The following LOC728743 variants were observed in gnomAD, a reference collection of about 807,000 sequenced individuals.
the LOC728743 span, chr7:150,401,073 T>C: frequency 0.84 from 127,548 of 152,260 alleles, 53,834 homozygotes; most frequent in Non-Finnish European, 0.9. Context: ...ATCCTGCAAA[T>C]GCAGCCACGC....
the LOC728743 span, among the ~76,000 whole-genome samples, chr7:150,403,959 C>G: frequency 1.1e-4 from 16 of 152,356 alleles, no homozygotes; most frequent in African/African-American, 3.6e-4. This position sits in a 1 kb window ranked among gnomAD's most constrained non-coding sequence, Gnocchi z 5.1. Flanking sequence ...GGTCTCCCAC[C>G]TGGAATTCTT....
chr7:150,411,823 C>G, the LOC728743 span: 8 of 152,694 alleles, frequency 5.2e-5, no homozygotes, highest in African/African-American at 1.9e-4. Flanking sequence ...CCCCCTCTGC[C>G]CATCACTGTG....
the LOC728743 span, chr7:150,410,605 C>T: frequency 5.8e-6 from 1 of 172,774 alleles, no homozygotes; most frequent in Non-Finnish European, 1.2e-5. Flanking sequence ...AAACCTTCTT[C>T]CAGATGTGAA....
the LOC728743 span, among the ~76,000 whole-genome samples, chr7:150,404,323 C>T: frequency 1.6e-4 from 24 of 152,306 alleles, no homozygotes; most frequent in African/African-American, 5.8e-4. Context: ...TGTCGTCACA[C>T]ACTATTTATG....
At chr7:150,406,344 T>G in the LOC728743 span, among the ~76,000 whole-genome samples, 2 of 151,622 alleles carry the variant, frequency 1.3e-5, no homozygotes, top group African/African-American at 2.4e-5. Context: ...CAAGTTTTGG[T>G]GGGGGTCGTG....
the LOC728743 span, among the ~76,000 whole-genome samples, chr7:150,409,307 G>C: frequency 6.6e-6 from 1 of 152,164 alleles, no homozygotes; most frequent in Admixed American, 6.5e-5. Context: ...GGCACTGTGA[G>C]GACAGACTGA....
At chr7:150,406,987 C>A in the LOC728743 span, among the ~76,000 whole-genome samples, 1 of 152,192 alleles carries the variant, frequency 6.6e-6, no homozygotes. Context: ...ACAAAAATAT[C>A]TTTAAATCAC....
the LOC728743 span, among the ~76,000 whole-genome samples, chr7:150,402,436 T>C: frequency 6.6e-6 from 1 of 152,156 alleles, no homozygotes; most frequent in South Asian, 2.1e-4. Context: ...CTCCAAACCC[T>C]TGGGGGCCAT....
At chr7:150,405,528 G>T in the LOC728743 span, 6 of 151,114 alleles carry the variant, frequency 4.0e-5, no homozygotes, top group Middle Eastern at 3.5e-3. Context: ...GCGGCCGTGG[G>T]GGGTGGGCTG....
the LOC728743 span, chr7:150,405,896 A>C: frequency 6.6e-6 from 1 of 152,394 alleles, no homozygotes; most frequent in African/African-American, 2.4e-5. Context: ...GCAGGGGCTC[A>C]GCTGGGCTGT....
At chr7:150,409,753 G>A in the LOC728743 span, among the ~76,000 whole-genome samples, 4 of 152,080 alleles carry the variant, frequency 2.6e-5, no homozygotes, top group African/African-American at 4.8e-5. Context: ...CTGGGGCTTC[G>A]AGGGGACCTG....
At chr7:150,410,196 C>T in the LOC728743 span, 5 of 398,670 alleles carry the variant, frequency 1.3e-5, no homozygotes, top group South Asian at 6.4e-4. Context: ...CCGATAGGTG[C>T]AGAACCCATC....
chr7:150,400,910 C>T, the LOC728743 span: 1 of 152,238 alleles, frequency 6.6e-6, no homozygotes, highest in African/African-American at 2.4e-5. Flanking sequence ...GCCAAGGGAA[C>T]AGAAAACAGC....
At chr7:150,406,636 T>C in the LOC728743 span, among the ~76,000 whole-genome samples, 54 of 152,296 alleles carry the variant, frequency 3.5e-4, no homozygotes, top group Middle Eastern at 0.01. Flanking sequence ...GCTCCGCCCC[T>C]TTCTCAGGGC....
the LOC728743 span, among the ~76,000 whole-genome samples, chr7:150,403,502 T>C: frequency 6.6e-6 from 1 of 152,314 alleles, no homozygotes; most frequent in Admixed American, 6.5e-5. The surrounding 1 kb of genome is among the most constrained non-coding windows in gnomAD (Gnocchi z 5.1). Flanking sequence ...ATTTCTCTTA[T>C]GGTCTGCAGA....
At chr7:150,406,401 G>A in the LOC728743 span, among the ~76,000 whole-genome samples, 1 of 152,168 alleles carries the variant, frequency 6.6e-6, no homozygotes, top group East Asian at 1.9e-4. Flanking sequence ...GTGGCCCTTT[G>A]GAATGCATGG....
chr7:150,412,010 G>A, the LOC728743 span: 2 of 152,374 alleles, frequency 1.3e-5, no homozygotes, highest in African/African-American at 2.4e-5. Context: ...CCCGAACTGC[G>A]TGCTGTCCCA....
the LOC728743 span, chr7:150,407,864 G>A: frequency 2.3e-6 from 1 of 426,912 alleles, no homozygotes; most frequent in Non-Finnish European, 4.2e-6. Flanking sequence ...CAACCTCGAG[G>A]TGCACCAGCG....
the LOC728743 span, among the ~76,000 whole-genome samples, chr7:150,406,459 G>A: frequency 6.6e-6 from 1 of 152,124 alleles, no homozygotes; most frequent in Non-Finnish European, 1.5e-5. Flanking sequence ...TGTGTGTTTT[G>A]AGGAGTGTTT....
Sources: gnomAD v4.1 joint callset for allele counts (sites outside exome capture counted in the v4.1 genomes callset) on GRCh38, gnomAD v4.1.1 for gene constraint, Gnocchi (gnomAD v3.1) non-coding constraint, MANE v1.5 for transcripts.